The following RHBDD1 variants were observed in gnomAD, a reference collection of about 807,000 sequenced individuals.
The protein encoded by RHBDD1 is rhomboid-related protein 4.
Under a neutral mutation model 36.3 loss-of-function variants are expected in RHBDD1, and 38 were observed. The ratio of observed to expected loss-of-function variants is 1.05; its 90% CI spans 0.81 to 1.37. The LOEUF (loss-of-function observed/expected upper bound fraction) is 1.37. Ranked by LOEUF, RHBDD1 falls within the 40% of genes most tolerant of loss-of-function variation. The pLI is 0.00. For missense variants in RHBDD1, 393 were observed against 377.6 expected (o/e 1.04, Z -0.34); for synonymous variants, 151 against 136.5 (o/e 1.11, Z -0.74).
intron 8 of RHBDD1, among the ~76,000 whole-genome samples, chr2:226,934,035 T>C (rs961070401): frequency 2.1e-4 from 32 of 152,070 alleles, no homozygotes; most frequent in African/African-American, 6.3e-4. Context: ...ACTAACAAGC[T>C]CATTTGGTAG....
intron 8 of RHBDD1, among the ~76,000 whole-genome samples, chr2:226,946,161 C>T (rs975547553): frequency 3.9e-5 from 6 of 152,058 alleles, no homozygotes; most frequent in African/African-American, 7.2e-5. Flanking sequence ...AATTAGATCC[C>T]GTTTGTCAAT....
At chr2:226,960,112 C>T (rs929870826) in intron 8 of RHBDD1, among the ~76,000 whole-genome samples, 3 of 152,164 alleles carry the variant, frequency 2.0e-5, no homozygotes, top group Admixed American at 1.3e-4. Context: ...CATGAGCCAC[C>T]GTGCCCGGCC....
At chr2:226,906,654 G>T in intron 5 of RHBDD1, 139 bp from the exon 6 acceptor site, 3 of 1,518,194 alleles carry the variant, frequency 2.0e-6, no homozygotes, top group Non-Finnish European at 2.6e-6. Flanking sequence ...TGAGTTAAAT[G>T]CTGCTTAGCA....
chr2:226,903,814 A>G (rs907011117), intron 5 of RHBDD1, among the ~76,000 whole-genome samples: 9 of 152,146 alleles, frequency 5.9e-5, no homozygotes, highest in African/African-American at 2.2e-4. Flanking sequence ...TATAAACCTG[A>G]GACCCCAGGC....
At chr2:226,869,042 A>G (rs1287804533) in intron 5 of RHBDD1, 8 of 340,180 alleles carry the variant, frequency 2.4e-5, no homozygotes, top group Non-Finnish European at 2.9e-5. Flanking sequence ...TCCCTCTGCT[A>G]TTTGAACTTT....
At chr2:226,899,629 G>C (rs997800739) in intron 5 of RHBDD1, among the ~76,000 whole-genome samples, 1 of 152,116 alleles carries the variant, frequency 6.6e-6, no homozygotes, top group Non-Finnish European at 1.5e-5. Context: ...GAAAATCTTT[G>C]AAAACTGAAG....
chr2:226,929,527 G>C (rs921726333), intron 8 of RHBDD1, among the ~76,000 whole-genome samples: 4 of 152,014 alleles, frequency 2.6e-5, no homozygotes, highest in African/African-American at 7.2e-5. Context: ...ATCTGTGACA[G>C]ACTTACAGCC....
chr2:226,813,252 G>A, the RHBDD1 span, among the ~76,000 whole-genome samples: 37 of 152,328 alleles, frequency 2.4e-4, 1 homozygote, highest in Admixed American at 2.1e-3. Context: ...CAGGTACTTA[G>A]ATTAGGTGTA....
the RHBDD1 span, among the ~76,000 whole-genome samples, chr2:226,824,711 C>A: frequency 6.6e-6 from 1 of 152,152 alleles, no homozygotes; most frequent in African/African-American, 2.4e-5. Flanking sequence ...CTCCCTTCAC[C>A]CAAGATCTTC....
rs764375291 is a variant in RHBDD1 at position 226,864,649 on chromosome 2, T to C, written c.-45T>C. On this transcript the variant is annotated 5_prime_UTR_variant, in exon 4 of 9. The change abolishes the stop of an existing upstream ORF in the 5' untranslated region. Coordinates refer to ENST00000392062, the MANE Select transcript of RHBDD1 (RefSeq NM_001167608.3). ...CCCCAGATACCTGAAACTGACCACC[T>C]GAGTACGTTTTCCCATTGCTGAGCT... 1.3e-6 allele frequency: 2 copies of C among 1,525,462 alleles called. No homozygotes were observed. The highest frequency in any genetic ancestry group is 1.4e-5 in the African/African-American group (1 of 73,194). 94.5% of individuals were successfully genotyped at this position (1,525,462 alleles called of 1,614,324 possible).
At chr2:226,887,168 G>C (rs936128248) in intron 5 of RHBDD1, among the ~76,000 whole-genome samples, 1 of 152,146 alleles carries the variant, frequency 6.6e-6, no homozygotes, top group African/African-American at 2.4e-5. Context: ...TTTTAAAAGA[G>C]TCGCTGTTGG....
intron 6 of RHBDD1, among the ~76,000 whole-genome samples, chr2:226,907,941 T>A (rs1363872711): frequency 6.6e-6 from 1 of 152,214 alleles, no homozygotes; most frequent in East Asian, 1.9e-4. Context: ...AATGTCTTGT[T>A]TCTTTTTTCT....
At chr2:226,951,341 T>C (rs895678541) in intron 8 of RHBDD1, among the ~76,000 whole-genome samples, 1 of 152,196 alleles carries the variant, frequency 6.6e-6, no homozygotes, top group Non-Finnish European at 1.5e-5. Flanking sequence ...AATACTATTA[T>C]TAATATTAGT....
rs1048862215 is a variant in RHBDD1 at position 226,854,333 on chromosome 2, C to T, written c.-90-10271C>T. ...AAGGGCCGGGCGTGGTGGCTCACAC[C>T]TGTAATCCCAGCACTTTAGGAGGCT... On this transcript the variant is annotated intron_variant, in intron 3 of 8. Coordinates refer to ENST00000392062, the MANE Select transcript of RHBDD1 (RefSeq NM_001167608.3). Among the ~76,000 whole-genome samples, 3 of 152,058 alleles carry T rather than the reference C, an allele frequency of 2.0e-5. No homozygotes were observed. In the South Asian group the frequency reaches 6.2e-4, roughly 32 times the overall value.
chr2:226,891,331 C>T (rs991661608), intron 5 of RHBDD1, among the ~76,000 whole-genome samples: 1 of 152,192 alleles, frequency 6.6e-6, no homozygotes, highest in African/African-American at 2.4e-5. Context: ...CCACTTGACT[C>T]TCTCCCTAAG....
chr2:226,936,884 A>C (rs1423053268), intron 8 of RHBDD1, among the ~76,000 whole-genome samples: 1 of 152,136 alleles, frequency 6.6e-6, no homozygotes, highest in Non-Finnish European at 1.5e-5. Flanking sequence ...TATTTCAGTT[A>C]AGCTAAGCAA....
the RHBDD1 span, among the ~76,000 whole-genome samples, chr2:226,801,156 G>A: frequency 6.6e-6 from 1 of 152,212 alleles, no homozygotes; most frequent in Admixed American, 6.5e-5. Flanking sequence ...GCAGGATGCT[G>A]GCTGGGCACT....
intron 8 of RHBDD1, among the ~76,000 whole-genome samples, chr2:226,927,299 G>T (rs1949725888): frequency 6.6e-6 from 1 of 150,964 alleles, no homozygotes; most frequent in African/African-American, 2.4e-5. Context: ...TTCTTTTATG[G>T]TTGAATTATA....
chr2:226,917,448 A>G (rs547624975), intron 8 of RHBDD1, among the ~76,000 whole-genome samples: 10 of 152,158 alleles, frequency 6.6e-5, no homozygotes, highest in East Asian at 3.8e-4. Flanking sequence ...ATCAGATGCT[A>G]TAAGACTCGC....
Sources: allele counts gnomAD v4.1 joint callset (sites outside exome capture counted in the v4.1 genomes callset), GRCh38; gene constraint gnomAD v4.1.1; transcripts MANE v1.5; gene names NCBI Gene and HGNC (gene_info 2026-07-23, HGNC 2026-07-21).